The following IFT140 variants were observed in gnomAD, a reference collection of about 807,000 sequenced individuals.
IFT140 encodes the protein intraflagellar transport 140.
IFT140 carries 133 observed loss-of-function variants against 164.6 expected under a neutral mutation model. The ratio of observed to expected loss-of-function variants is 0.81; its 90% CI spans 0.70 to 0.93. IFT140 has a LOEUF of 0.93. IFT140 is among the 40% of genes least tolerant of loss of function. The probability of loss-of-function intolerance (pLI) is 0.00; values close to 1 mark genes in which losing one functional copy is unlikely to be tolerated. For synonymous variants in IFT140, 860 were observed against 817.3 expected, an observed-to-expected ratio of 1.05 and a Z score of -0.89; for missense variants, 2,045 against 1,972.3, an observed-to-expected ratio of 1.04 and a Z score of -0.70.
At position 1,520,266 on chromosome 16, in the gene IFT140, G is replaced by C. The variant is rs1262756400; in HGVS notation, c.3738C>G (p.Ile1246Met). 6.2e-7 allele frequency: 1 copy of C among 1,614,256 alleles called. No individual in the cohort carries two copies. The highest frequency in any genetic ancestry group is 8.5e-7 in the Non-Finnish European group (1 of 1,180,038). ...GCAGGTAGTTAGCAGCCATGATGTA[G>C]ATTTCCTTCTGCCTGGACACGCTCG... is the stretch of plus-strand genomic sequence containing the variant. The part of the protein sequence containing the change: ...FFASVSRQKE[I>M]YIMAANYLQS... Residue 1246 changes from isoleucine to methionine, a missense_variant, in exon 28 of 31, where the codon ATC (isoleucine) becomes ATG (methionine). Transcript: ENST00000426508.
chr16:1,566,118 ACAT>A (rs1226860995), intron 16 of IFT140, 40 bp downstream of exon 16: 1 of 1,600,848 alleles, frequency 6.2e-7, no homozygotes, highest in African/African-American at 1.3e-5. Flanking sequence ...AAGTAACTGA[ACAT>A]CATTTTTTCC....
chr16:1,575,599 C>A (rs955188994), intron 13 of IFT140, among the ~76,000 whole-genome samples: 1 of 152,144 alleles, frequency 6.6e-6, no homozygotes, highest in Admixed American at 6.6e-5. Flanking sequence ...AAGGACCCAA[C>A]TCCATGGCAA....
At chr16:1,587,157 G>T in intron 9 of IFT140, 41 bp downstream of exon 9, 1 of 1,243,202 alleles carries the variant, frequency 8.0e-7, no homozygotes, top group Non-Finnish European at 1.2e-6. Flanking sequence ...CAATGCTTGT[G>T]GTTGGTTCTG....
chr16:1,592,213 A>G lies in IFT140; in HGVS notation c.597T>C (p.Ser199=). 6.2e-7 allele frequency: 1 copy of G among 1,614,216 alleles called. No individual in the cohort carries two copies. Residue 199 remains serine, a synonymous_variant, in exon 6 of 31, where the codon TCT becomes TCC. Coordinates refer to ENST00000426508, the MANE Select transcript of IFT140 (RefSeq NM_014714.4). ...SSSGSLLKMG[S]HEGLLFFVSL... ...TGACAAAGAACAACAGCCCCTCGTG[A>G]GACCCCATCTTCAGCAAACTTCCAG...
intron 19 of IFT140, among the ~76,000 whole-genome samples, chr16:1,545,022 T>G (rs2032046836): frequency 6.6e-6 from 1 of 152,254 alleles, no homozygotes; most frequent in Non-Finnish European, 1.5e-5. Context: ...GGATTTGGCA[T>G]GTCGAAAATG....
chr16:1,521,108 A>G (rs1287236048), intron 26 of IFT140, among the ~76,000 whole-genome samples: 3 of 152,220 alleles, frequency 2.0e-5, no homozygotes, highest in African/African-American at 7.2e-5. Flanking sequence ...ATTTTCTTCT[A>G]TAATTCTGAA....
Position 1,520,197 on chromosome 16 carries a change from G to C in IFT140, c.3807C>G (p.Ile1269Met), listed in dbSNP as rs1190141241. The C allele has an allele frequency of 1.2e-6, 2 of 1,614,246 alleles. No individual in the cohort carries two copies. Among genetic ancestry groups the C allele is most frequent in the Non-Finnish European group, 1.7e-6 (2 of 1,180,038 alleles). Residue 1269 changes from isoleucine to methionine, a missense_variant, in exon 28 of 31, where the codon ATC becomes ATG. Ile to Met is a conservative substitution (Grantham distance 10). Transcript: ENST00000426508. ...CCCGCCCCTTGGTGTAGAAGCCGAT[G>C]ATGTTCTTCATGATCTCCGGCTCCT... is the stretch of plus-strand genomic sequence containing the variant. ...WRKEPEIMKN[I>M]IGFYTKGRAL...
chr16:1,550,630 G>C (rs569882462), intron 19 of IFT140, among the ~76,000 whole-genome samples: 3 of 152,292 alleles, frequency 2.0e-5, no homozygotes, highest in South Asian at 4.1e-4. Flanking sequence ...GCAGGAGGCC[G>C]GGCTCAGTTC....
Position 1,558,154 on chromosome 16 carries a change from T to C in IFT140, c.2200-20A>G, listed in dbSNP as rs760501465. The C allele has an allele frequency of 2.3e-5, 37 of 1,613,116 alleles. No individual in the cohort carries two copies. Among genetic ancestry groups the C allele is most frequent in the Admixed American group, 3.3e-5 (2 of 59,988 alleles). The stretch of plus-strand genomic sequence containing the variant: ...TTCGGGCTAAATGACAAAGGACCCA[T>C]GTGTTTGTTAATTCATATGTAAAGC... On this transcript the variant is annotated intron_variant, in intron 18 of 30. Coordinates refer to ENST00000426508, the MANE Select transcript of IFT140 (RefSeq NM_014714.4).
Position 1,510,873 on chromosome 16 carries a change from G to A in IFT140, c.*71C>T. On this transcript the variant is annotated 3_prime_UTR_variant, in exon 31 of 31. Coordinates refer to ENST00000426508, the MANE Select transcript of IFT140 (RefSeq NM_014714.4). Reference sequence around the variant, plus strand: ...TTTTCCCAGCAAAAATGCTGGCTTTGCCACAGCTGACAAAAAAATTCCAGA... The same window carrying A: ...TTTTCCCAGCAAAAATGCTGGCTTTACCACAGCTGACAAAAAAATTCCAGA... 4.3e-6 allele frequency: 6 copies of A among 1,381,434 alleles called. No homozygotes were observed. Among genetic ancestry groups the A allele is most frequent in the Non-Finnish European group, 6.1e-6 (6 of 990,394 alleles). The allele number at this position is 1,381,434 out of a possible 1,614,324, so 85.6% of individuals were successfully genotyped here.
At position 1,553,995 on chromosome 16, in the gene IFT140, AC is replaced by A; in HGVS notation, c.2399+3939del. The A allele has an allele frequency of 7.8e-7, 1 of 1,287,228 alleles. No individual in the cohort carries two copies. The highest frequency in any genetic ancestry group is 1.2e-5 in the South Asian group (1 of 80,942). The allele number at this position is 1,287,228 out of a possible 1,614,324, so 79.7% of individuals were successfully genotyped here. On this transcript the variant is annotated intron_variant, in intron 19 of 30. Coordinates refer to ENST00000426508, the MANE Select transcript of IFT140 (RefSeq NM_014714.4). The surrounding 1 kb of genome is among the most constrained non-coding windows in gnomAD (Gnocchi z 4.4). ...AACTAGACGGGAACAAGCTGCGCCA[AC>A]CAAGGGTTGCTCACGGCCCACCTCT...
chr16:1,564,461 C>T lies in IFT140; in HGVS notation c.1902-299G>A, dbSNP rs1024575228. Among the ~76,000 whole-genome samples the T allele has an allele frequency of 1.3e-5, 2 of 152,180 alleles. No homozygotes were observed. The highest frequency in any genetic ancestry group is 4.8e-5 in the African/African-American group (2 of 41,444). The stretch of plus-strand genomic sequence containing the variant: ...GAAGAATCCCCAAAGCAAAAGGGAC[C>T]CTTTTCCTTTTCCAGGACCAGCAGG... On this transcript the variant is annotated intron_variant, in intron 16 of 30. Transcript: ENST00000426508. This position sits in a 1 kb window ranked among gnomAD's most constrained non-coding sequence, Gnocchi z 5.5.
chr16:1,591,553 C>G (rs779432411), intron 6 of IFT140, among the ~76,000 whole-genome samples: 1 of 152,232 alleles, frequency 6.6e-6, no homozygotes, highest in African/African-American at 2.4e-5. Flanking sequence ...TCAGCCACGC[C>G]AGCAACCCAC....
chr16:1,537,869 G>A (rs1159795849), intron 19 of IFT140, among the ~76,000 whole-genome samples: 4 of 152,270 alleles, frequency 2.6e-5, no homozygotes, highest in African/African-American at 9.6e-5. Context: ...CCGTCACCAC[G>A]CATGCCCCGC....
rs202236303 is a variant in IFT140 at position 1,558,017 on chromosome 16, G to A, written c.2317C>T (p.Arg773Trp). The A allele has an allele frequency of 1.8e-5, 29 of 1,613,968 alleles. No individual in the cohort carries two copies. The highest frequency in any genetic ancestry group is 1.7e-4 in the Middle Eastern group (1 of 5,906). ...AAGCTGAAGTGGAGCATGGCGTCCC[G>A]GGTGGCCTTGTCGCAGTCCTCCAGC... ...VGLEDCDKATRDAMLHFSFFV... is the reference protein window; with the variant it reads ...VGLEDCDKATWDAMLHFSFFV... Residue 773 changes from arginine (R) to tryptophan (W), a missense_variant, in exon 19 of 31, where the codon CGG (arginine) becomes TGG (tryptophan). Physicochemically the swap from Arg to Trp is moderately radical, Grantham distance 101. Coordinates refer to ENST00000426508, the MANE Select transcript of IFT140 (RefSeq NM_014714.4).
At chr16:1,565,075 C>T (rs1439544631) in intron 16 of IFT140, among the ~76,000 whole-genome samples, 1 of 152,072 alleles carries the variant, frequency 6.6e-6, no homozygotes, top group Non-Finnish European at 1.5e-5. Context: ...GGGCAAGATT[C>T]GAATGCAGAA....
chr16:1,547,361 G>T (rs190995947), intron 19 of IFT140, among the ~76,000 whole-genome samples: 1 of 152,284 alleles, frequency 6.6e-6, no homozygotes, highest in East Asian at 1.9e-4. Flanking sequence ...ATGGCATTTA[G>T]GTTTTCCTGG....
chr16:1,520,947 G>C, intron 26 of IFT140, 139 bp from the exon 27 acceptor site: 1 of 669,352 alleles, frequency 1.5e-6, no homozygotes, highest in South Asian at 2.0e-5. Flanking sequence ...GGTATGGAGG[G>C]GACAAGGATG....
chr16:1,586,921 G>A (rs2034917109), intron 9 of IFT140, among the ~76,000 whole-genome samples: 2 of 152,132 alleles, frequency 1.3e-5, no homozygotes, highest in South Asian at 2.1e-4. Flanking sequence ...AGCTCAGGCT[G>A]GTCTTGAACT....
Sources: allele counts gnomAD v4.1 joint callset (sites outside exome capture counted in the v4.1 genomes callset), GRCh38; gene constraint gnomAD v4.1.1; non-coding constraint Gnocchi (gnomAD v3.1); transcripts MANE v1.5; gene names NCBI Gene and HGNC (gene_info 2026-07-23, HGNC 2026-07-21).